Variants in NMRK1 observed in about 807,000 individuals in gnomAD.
NMRK1 encodes the protein nicotinamide riboside kinase 1.
A neutral mutation model predicts 29.9 loss-of-function variants in NMRK1; 28 were observed. That is an observed-to-expected ratio of 0.94 (90% CI 0.69 to 1.28). NMRK1 has a LOEUF of 1.28. Ranked by LOEUF, NMRK1 falls within the 50% of genes most tolerant of loss-of-function variation. The pLI is 0.00. For missense variants in NMRK1, 218 were observed against 233.1 expected (o/e 0.94, Z 0.42); for synonymous variants, 58 against 73.0 (o/e 0.79, Z 1.05).
At chr9:75,083,543 G>A (rs1824445285) in intron 1 of NMRK1, among the ~76,000 whole-genome samples, 1 of 152,196 alleles carries the variant, frequency 6.6e-6, no homozygotes, top group Admixed American at 6.5e-5. Context: ...GGACCCCTGT[G>A]GGCTGGCCTC....
At chr9:75,084,941 T>G (rs1235645360) in intron 1 of NMRK1, among the ~76,000 whole-genome samples, 1 of 152,342 alleles carries the variant, frequency 6.6e-6, no homozygotes, top group East Asian at 1.9e-4. Context: ...ATGTTGTAAT[T>G]TTTCTGCTTT....
Position 75,069,750 on chromosome 9 carries a change from C to T in NMRK1, c.381G>A (p.Arg127=). 1 of 1,610,556 alleles carries T rather than the reference C, an allele frequency of 6.2e-7. No homozygotes were observed. The highest frequency in any genetic ancestry group is 8.5e-7 in the Non-Finnish European group (1 of 1,178,462). The change falls in exon 6 of 9, where the codon AGG becomes AGA. Residue 127 remains arginine, a synonymous_variant. Coordinates refer to ENST00000361092, the MANE Select transcript of NMRK1 (RefSeq NM_017881.3). ...FLTIPYEECK[R]RRSTRVYQPP... ...ATGGCTTCAAAACTTACCTCCTCCTCCTTTTACATTCTTCATATGGAATAG... is the reference window on the plus strand; with the variant it reads ...ATGGCTTCAAAACTTACCTCCTCCTTCTTTTACATTCTTCATATGGAATAG...
chr9:75,065,100 A>G lies in NMRK1; in HGVS notation c.580+1657T>C, dbSNP rs182338994. On this transcript the variant is annotated intron_variant, in intron 8 of 8. Coordinates refer to ENST00000361092, the MANE Select transcript of NMRK1 (RefSeq NM_017881.3). ...CTGCAGCCTTGACTTCCTGGGCTAAAGCCATCCTCCCACCTCAATACCCTG... is the reference window on the plus strand; with the variant it reads ...CTGCAGCCTTGACTTCCTGGGCTAAGGCCATCCTCCCACCTCAATACCCTG... 2.4e-4 allele frequency among the ~76,000 whole-genome samples: 37 copies of G among 152,302 alleles called. No individual in the cohort carries two copies. In the South Asian group the frequency reaches 3.7e-3, roughly 15 times the overall value.
intron 1 of NMRK1, among the ~76,000 whole-genome samples, chr9:75,084,954 A>C (rs1015373824): frequency 1.3e-5 from 2 of 152,134 alleles, no homozygotes; most frequent in African/African-American, 4.8e-5. Flanking sequence ...TCTGCTTTTG[A>C]ATTTTATTTT....
intron 8 of NMRK1, among the ~76,000 whole-genome samples, chr9:75,063,546 ACTCCATT>A (rs1823162980): frequency 6.6e-6 from 1 of 152,062 alleles, no homozygotes; most frequent in Non-Finnish European, 1.5e-5. Flanking sequence ...TAAATGTGTA[ACTCCATT>A]CTCTTACTCT....
intron 1 of NMRK1, chr9:75,087,567 G>A (rs1288003363): frequency 1.3e-5 from 2 of 151,552 alleles, no homozygotes; most frequent in African/African-American, 4.9e-5. Context: ...TAATTTTCAC[G>A]TGTCACAAAG....
intron 1 of NMRK1, among the ~76,000 whole-genome samples, chr9:75,086,360 C>A (rs1564144994): frequency 6.6e-6 from 1 of 152,210 alleles, no homozygotes; most frequent in African/African-American, 2.4e-5. Flanking sequence ...TCACTAGAAT[C>A]CACACCACCT....
chr9:75,082,722 A>C, intron 2 of NMRK1: 1 of 232,862 alleles, frequency 4.3e-6, no homozygotes, highest in Non-Finnish European at 8.4e-6. Flanking sequence ...GAAGCTGGGC[A>C]CAGCTGGAAA....
At chr9:75,077,612 G>A (rs1417881877) in intron 2 of NMRK1, 32 bp from the exon 3 acceptor site, 2 of 1,467,636 alleles carry the variant, frequency 1.4e-6, no homozygotes, top group African/African-American at 1.4e-5. Context: ...GTACCAAGAA[G>A]GAAAATGCAT....
intron 8 of NMRK1, among the ~76,000 whole-genome samples, chr9:75,065,049 G>A (rs898752592): frequency 3.9e-5 from 6 of 152,130 alleles, no homozygotes; most frequent in Admixed American, 3.9e-4. Context: ...TCCCAGGGTG[G>A]AGTGCAATGG....
chr9:75,063,132 G>A (rs1008902577), intron 8 of NMRK1, among the ~76,000 whole-genome samples: 9 of 151,580 alleles, frequency 5.9e-5, no homozygotes, highest in Non-Finnish European at 8.8e-5. Flanking sequence ...GTGAAACCCC[G>A]TCTCTACTAA....
chr9:75,080,583 C>T (rs539263737), intron 2 of NMRK1, among the ~76,000 whole-genome samples: 2 of 152,182 alleles, frequency 1.3e-5, no homozygotes, highest in South Asian at 2.1e-4. Context: ...ACCCAGGAGG[C>T]GGAGGCTGCA....
chr9:75,064,516 A>G (rs1201316619), intron 8 of NMRK1, among the ~76,000 whole-genome samples: 14 of 152,212 alleles, frequency 9.2e-5, no homozygotes, highest in Admixed American at 7.9e-4. Context: ...CATCAAAGTA[A>G]CAGATGGCAG....
At chr9:75,064,410 C>T (rs1281825482) in intron 8 of NMRK1, among the ~76,000 whole-genome samples, 1 of 152,158 alleles carries the variant, frequency 6.6e-6, no homozygotes, top group African/African-American at 2.4e-5. Flanking sequence ...GGCTCATGTG[C>T]TATCATTTAT....
chr9:75,084,358 A>G (rs910778734), intron 1 of NMRK1, among the ~76,000 whole-genome samples: 1 of 152,260 alleles, frequency 6.6e-6, no homozygotes, highest in Admixed American at 6.5e-5. Context: ...GTTATGCAGA[A>G]AAAAGCCTGG....
chr9:75,061,651 A>C, intron 8 of NMRK1, 84 bp from the exon 9 acceptor site: 1 of 1,181,680 alleles, frequency 8.5e-7, no homozygotes, highest in Non-Finnish European at 1.2e-6. Flanking sequence ...AGTAAATCTA[A>C]GGATGTTTAA....
chr9:75,074,312 C>T (rs1007604983), intron 4 of NMRK1, among the ~76,000 whole-genome samples: 8 of 151,486 alleles, frequency 5.3e-5, no homozygotes, highest in Non-Finnish European at 1.2e-4. Context: ...GTTCCTTTCA[C>T]TTAATGTGGC....
intron 7 of NMRK1, among the ~76,000 whole-genome samples, chr9:75,067,584 C>T (rs1823436107): frequency 6.6e-6 from 1 of 152,156 alleles, no homozygotes; most frequent in Non-Finnish European, 1.5e-5. Context: ...CTCAGTACCT[C>T]AGTCGTTAGA....
At chr9:75,078,297 G>A in intron 2 of NMRK1, 1 of 1,556,226 alleles carries the variant, frequency 6.4e-7, no homozygotes, top group Non-Finnish European at 8.7e-7. Flanking sequence ...GGAAAAAACA[G>A]AGGAGTGGCT....
Sources: gnomAD v4.1 joint callset for allele counts (sites outside exome capture counted in the v4.1 genomes callset) on GRCh38, gnomAD v4.1.1 for gene constraint, MANE v1.5 for transcripts, NCBI Gene and HGNC (gene_info 2026-07-23, HGNC 2026-07-21) for gene names.